NPAS3: variants seen among roughly 807,000 people sequenced by gnomAD.
The protein encoded by NPAS3 is neuronal PAS domain protein 3.
Under a neutral mutation model 73.1 loss-of-function variants are expected in NPAS3, and 14 were observed. That is an observed-to-expected ratio of 0.19 (90% confidence interval 0.13 to 0.30). The LOEUF (loss-of-function observed/expected upper bound fraction) is 0.30. Ranked by LOEUF, NPAS3 falls within the 10% of genes least tolerant of loss-of-function variation. The probability of loss-of-function intolerance (pLI) is 1.00; values close to 1 mark genes in which losing one functional copy is unlikely to be tolerated. For synonymous variants in NPAS3, 620 were observed against 541.5 expected (o/e 1.14, Z -2.01); for missense variants, 1,096 against 1,250.0 (o/e 0.88, Z 1.86).
At chr14:33,084,094 G>A (rs2041946949) in intron 2 of NPAS3, among the ~76,000 whole-genome samples, 1 of 152,052 alleles carries the variant, frequency 6.6e-6, no homozygotes, top group African/African-American at 2.4e-5. Context: ...AAAAGAGTGG[G>A]GTCTTTGGTG....
At chr14:33,665,686 T>A (rs2059432793) in intron 5 of NPAS3, among the ~76,000 whole-genome samples, 1 of 152,180 alleles carries the variant, frequency 6.6e-6, no homozygotes, top group Non-Finnish European at 1.5e-5. Context: ...CAGAAGTTTT[T>A]TAAAAAGTTG....
intron 3 of NPAS3, among the ~76,000 whole-genome samples, chr14:33,314,966 T>C (rs2043149701): frequency 6.6e-6 from 1 of 152,076 alleles, no homozygotes; most frequent in African/African-American, 2.4e-5. Context: ...AATGTGCTTG[T>C]AGCAAACAGT....
intron 4 of NPAS3, among the ~76,000 whole-genome samples, chr14:33,446,573 G>A (rs959954815): frequency 1.3e-5 from 2 of 152,222 alleles, no homozygotes; most frequent in Non-Finnish European, 2.9e-5. Flanking sequence ...CCTCGGAAGA[G>A]ATGGAGAAAA....
At chr14:33,214,819 C>T (rs752749968) in intron 2 of NPAS3, 16 of 204,992 alleles carry the variant, frequency 7.8e-5, no homozygotes, top group Non-Finnish European at 9.8e-5. Flanking sequence ...AATAGATACA[C>T]GAATGTAAGC....
intron 3 of NPAS3, among the ~76,000 whole-genome samples, chr14:33,313,752 A>T (rs2043097458): frequency 6.6e-6 from 1 of 152,090 alleles, no homozygotes; most frequent in Non-Finnish European, 1.5e-5. Context: ...TTGTTACTTA[A>T]GTAATGATTG....
intron 4 of NPAS3, among the ~76,000 whole-genome samples, chr14:33,419,295 TAAAG>T (rs1322988094): frequency 6.6e-6 from 1 of 151,798 alleles, no homozygotes; most frequent in Non-Finnish European, 1.5e-5. Context: ...GAAAGAATAA[TAAAG>T]ATGTTATTTA....
At chr14:33,020,213 G>T (rs971496385) in intron 1 of NPAS3, among the ~76,000 whole-genome samples, 1 of 152,130 alleles carries the variant, frequency 6.6e-6, no homozygotes, top group African/African-American at 2.4e-5. Context: ...AAAGAAATCA[G>T]TATCAATTAA....
chr14:33,754,256 G>T (rs1399253538), intron 7 of NPAS3, among the ~76,000 whole-genome samples: 2 of 152,136 alleles, frequency 1.3e-5, no homozygotes, highest in Non-Finnish European at 2.9e-5. Flanking sequence ...AAGGAAATAG[G>T]TGGGGTGTGA....
At chr14:33,170,681 C>G (rs1310515566) in intron 2 of NPAS3, among the ~76,000 whole-genome samples, 1 of 152,180 alleles carries the variant, frequency 6.6e-6, no homozygotes, top group Admixed American at 6.5e-5. Flanking sequence ...AATTCCATCT[C>G]AAGAAACAAG....
At chr14:33,753,325 C>T (rs913792836) in intron 7 of NPAS3, among the ~76,000 whole-genome samples, 6 of 144,528 alleles carry the variant, frequency 4.2e-5, no homozygotes, top group Non-Finnish European at 8.9e-5. Context: ...TTATACTTCT[C>T]AAAATATGCT....
chr14:33,692,466 G>A (rs2060259850), intron 6 of NPAS3, among the ~76,000 whole-genome samples: 1 of 152,070 alleles, frequency 6.6e-6, no homozygotes, highest in African/African-American at 2.4e-5. Flanking sequence ...ATAGAATAGT[G>A]CATAATTAAA....
intron 2 of NPAS3, among the ~76,000 whole-genome samples, chr14:33,191,962 T>A (rs758205170): frequency 6.6e-5 from 10 of 152,164 alleles, no homozygotes; most frequent in Non-Finnish European, 1.5e-4. Context: ...GTGTGTGTGG[T>A]TTTTTTAAAA....
In NPAS3 at chr14:33,300,442, G is replaced by A. The variant is rs186099629; in HGVS notation, c.386-66744G>A. Among the ~76,000 whole-genome samples, 43 of 152,304 alleles carry A rather than the reference G, an allele frequency of 2.8e-4. No homozygotes were observed. The East Asian group carries it at 7.9e-3, about 28-fold the overall frequency. ...GAGATTTAACAAAACTACTGTGATTGAAAAGTTATTCCTTAAATCATCAGC... is the reference window on the plus strand; with the variant it reads ...GAGATTTAACAAAACTACTGTGATTAAAAAGTTATTCCTTAAATCATCAGC... On this transcript the variant is annotated intron_variant, in intron 3 of 11. Transcript: ENST00000356141.
At chr14:33,403,715 C>A in intron 4 of NPAS3, among the ~76,000 whole-genome samples, 1 of 152,048 alleles carries the variant, frequency 6.6e-6, no homozygotes, top group Non-Finnish European at 1.5e-5. Flanking sequence ...GATTGCACCT[C>A]CCCCAGTATT....
chr14:33,338,967 T>C (rs541886881), intron 3 of NPAS3, among the ~76,000 whole-genome samples: 6 of 152,314 alleles, frequency 3.9e-5, no homozygotes, highest in African/African-American at 1.4e-4. Flanking sequence ...TAACTCATTA[T>C]TGCAAGCATC....
chr14:32,966,581 C>A (rs1382667107), intron 1 of NPAS3, among the ~76,000 whole-genome samples: 1 of 148,144 alleles, frequency 6.8e-6, no homozygotes, highest in Admixed American at 6.7e-5. Flanking sequence ...ACGTAAGAAC[C>A]CAAATTATGA....
At chr14:33,183,670 T>C (rs899907097) in intron 2 of NPAS3, among the ~76,000 whole-genome samples, 10 of 152,006 alleles carry the variant, frequency 6.6e-5, no homozygotes, top group Non-Finnish European at 1.3e-4. Context: ...CTTGTAATTG[T>C]AGTCTTCATG....
chr14:33,287,982 A>G (rs1390872088), intron 3 of NPAS3, among the ~76,000 whole-genome samples: 1 of 152,038 alleles, frequency 6.6e-6, no homozygotes, highest in East Asian at 1.9e-4. Flanking sequence ...CAGTTTTATA[A>G]GCACACCAAC....
intron 2 of NPAS3, among the ~76,000 whole-genome samples, chr14:33,191,536 C>T (rs1233438950): frequency 1.3e-5 from 2 of 152,164 alleles, no homozygotes; most frequent in African/African-American, 2.4e-5. Context: ...AAAACCACTA[C>T]ACTTCTATGG....
Sources: allele counts gnomAD v4.1 joint callset (sites outside exome capture counted in the v4.1 genomes callset), GRCh38; gene constraint gnomAD v4.1.1; transcripts MANE v1.5; gene names NCBI Gene and HGNC (gene_info 2026-07-23, HGNC 2026-07-21).